Variants in MCCC1 observed in about 807,000 individuals in gnomAD.
MCCC1 encodes the protein methylcrotonoyl-CoA carboxylase subunit alpha, mitochondrial.
MCCC1 carries 64 observed loss-of-function variants against 83.8 expected under a neutral mutation model. That is an observed-to-expected ratio of 0.76 (90% CI 0.62 to 0.94). The LOEUF is 0.94. Ranked by LOEUF, MCCC1 falls within the 40% of genes least tolerant of loss-of-function variation. MCCC1 has a pLI of 0.00. For synonymous variants in MCCC1, 322 were observed against 315.4 expected (o/e 1.02, Z -0.22); for missense variants, 807 against 904.7 (o/e 0.89, Z 1.39).
intron 2 of MCCC1, among the ~76,000 whole-genome samples, chr3:183,093,504 T>C (rs1373249406): frequency 3.3e-5 from 5 of 152,198 alleles, no homozygotes; most frequent in Non-Finnish European, 7.3e-5. Context: ...GTGACTCTTG[T>C]ACCAGTCTAC....
chr3:183,092,174 A>G (rs1236419538), intron 3 of MCCC1, among the ~76,000 whole-genome samples: 1 of 152,242 alleles, frequency 6.6e-6, no homozygotes, highest in East Asian at 1.9e-4. Context: ...GTTTTAACCA[A>G]TCCTCAAGGA....
chr3:183,058,364 C>T (rs1715580593), intron 7 of MCCC1, among the ~76,000 whole-genome samples: 1 of 152,118 alleles, frequency 6.6e-6, no homozygotes, highest in Non-Finnish European at 1.5e-5. Context: ...CTTATAAATC[C>T]CAGCACTTTG....
At chr3:183,099,262 C>G in intron 1 of MCCC1, 90 bp downstream of exon 1, 1 of 1,464,380 alleles carries the variant, frequency 6.8e-7, no homozygotes. Context: ...CACACCGACC[C>G]TGGGTTCCGC....
chr3:183,092,113 G>C lies in MCCC1; in HGVS notation c.273+296C>G, dbSNP rs555158163. Among the ~76,000 whole-genome samples the C allele has an allele frequency of 1.3e-4, 20 of 152,226 alleles. No individual in the cohort carries two copies. The East Asian group carries it at 3.9e-3, about 29-fold the overall frequency. On this transcript the variant is annotated intron_variant, in intron 3 of 18. Coordinates refer to ENST00000265594, the MANE Select transcript of MCCC1 (RefSeq NM_020166.5). ...TTTCTCCTTGTATATACGGAATCTG[G>C]ACATGAGCTACTCAAAGTGTAGTCA...
chr3:183,075,714 T>C (rs1717021850), intron 4 of MCCC1, among the ~76,000 whole-genome samples: 1 of 152,102 alleles, frequency 6.6e-6, no homozygotes, highest in South Asian at 2.1e-4. Context: ...CTAATCTTTT[T>C]GTATTTTTAG....
chr3:183,038,167 C>G (rs1054639049), intron 12 of MCCC1, among the ~76,000 whole-genome samples: 3 of 152,066 alleles, frequency 2.0e-5, no homozygotes, highest in Non-Finnish European at 4.4e-5. Context: ...TCTAGGGCAA[C>G]AAGTAACAAT....
intron 17 of MCCC1, among the ~76,000 whole-genome samples, chr3:183,019,089 G>A (rs578008269): frequency 8.7e-4 from 132 of 152,258 alleles, no homozygotes; most frequent in Middle Eastern, 6.8e-3. Flanking sequence ...ATACCCACTT[G>A]GGGTAAATAT....
rs57389038 is a variant in MCCC1, at chr3:183,040,098, GAAAAAAAAAAAAAA to G, written c.1268-977_1268-964del. Among the ~76,000 whole-genome samples the G allele has an allele frequency of 2.9e-4, 10 of 34,594 alleles. No individual in the cohort carries two copies. The South Asian group carries it at 0.011, about 38-fold the overall frequency. 22.7% of individuals were successfully genotyped at this position (34,594 alleles called of 152,430 possible). On this transcript the variant is annotated intron_variant, in intron 11 of 18. Transcript: ENST00000265594. The stretch of plus-strand genomic sequence containing the variant: ...GCAACAAGAGTGAAACTCCATCTCA[GAAAAAAAAAAAAAA>G]AAAAAAAAAAAAAAAGGAAGGAACC...
upstream of MCCC1, among the ~76,000 whole-genome samples, chr3:183,102,621 T>G (rs1390184984): frequency 6.6e-6 from 1 of 151,782 alleles, no homozygotes; most frequent in Non-Finnish European, 1.5e-5. Context: ...TGATTAGCCC[T>G]CTGGAAAAAA....
At position 183,114,485 on chromosome 3, in the gene MCCC1, T is replaced by A. The variant is rs544765311; in HGVS notation, c.-102+989A>T. On this transcript the variant is annotated intron_variant, in intron 1 of 17. Transcript: ENST00000492597. ...ATGCTGTCTCCAGGCAGTGTCAGAA[T>A]TGAATTGAAGGAAGCCATCTGGTGT... Among the ~76,000 whole-genome samples, 61 of 152,290 alleles carry A rather than the reference T, an allele frequency of 4.0e-4. No homozygotes were observed. In the South Asian group the frequency reaches 4.6e-3, roughly 11 times the overall value.
At chr3:183,110,265 G>A (rs996652794) in intron 1 of MCCC1, among the ~76,000 whole-genome samples, 5 of 152,094 alleles carry the variant, frequency 3.3e-5, no homozygotes, top group Non-Finnish European at 7.3e-5. Context: ...CCTACCTGTC[G>A]ATGTTTGGTT....
At chr3:183,026,465 A>G (rs1202633878) in intron 14 of MCCC1, among the ~76,000 whole-genome samples, 1 of 152,038 alleles carries the variant, frequency 6.6e-6, no homozygotes, top group African/African-American at 2.4e-5. Context: ...TAATCCCAGC[A>G]CTTTGGGAGG....
intron 1 of MCCC1, among the ~76,000 whole-genome samples, chr3:183,111,534 A>C (rs961060371): frequency 6.6e-5 from 10 of 152,168 alleles, no homozygotes; most frequent in African/African-American, 1.2e-4. Flanking sequence ...TCCTGACCTC[A>C]GGTGATCTGC....
chr3:183,097,752 G>A (rs73178986), intron 1 of MCCC1, among the ~76,000 whole-genome samples: 10,349 of 152,204 alleles, frequency 0.068, 472 homozygotes, highest in Non-Finnish European at 0.11. Context: ...ACTCTCCAGA[G>A]TGACATACTT....
intron 9 of MCCC1, 74 bp downstream of exon 9, chr3:183,052,083 TTG>T (rs1715021228): frequency 3.7e-6 from 5 of 1,367,914 alleles, no homozygotes; most frequent in South Asian, 2.3e-5. Flanking sequence ...GATTTAAAAG[TTG>T]TGTTTCTCTT....
intron 4 of MCCC1, among the ~76,000 whole-genome samples, chr3:183,075,133 G>C (rs1052544214): frequency 6.6e-6 from 1 of 152,156 alleles, no homozygotes; most frequent in Non-Finnish European, 1.5e-5. Flanking sequence ...GGGCATTTAG[G>C]CTGATTCAAT....
chr3:183,029,813 C>A (rs1246704438), intron 14 of MCCC1, among the ~76,000 whole-genome samples: 2 of 152,180 alleles, frequency 1.3e-5, no homozygotes, highest in Non-Finnish European at 2.9e-5. Flanking sequence ...CTGCCTCAGG[C>A]CCCACTGCCT....
upstream of MCCC1, among the ~76,000 whole-genome samples, chr3:183,102,566 T>C (rs1013968295): frequency 2.6e-5 from 4 of 152,004 alleles, no homozygotes; most frequent in African/African-American, 9.7e-5. Flanking sequence ...CTGACCTTCA[T>C]TCTAGATTTT....
rs946900297 is a variant in MCCC1 at position 183,097,903 on chromosome 3, C to CT, written c.89+1448dup. 2.9e-4 allele frequency among the ~76,000 whole-genome samples: 43 copies of CT among 149,758 alleles called. 1 individual carries two copies. The highest frequency in any genetic ancestry group is 2.2e-3 in the East Asian group (11 of 5,100). ...AGAACATTAACATTACTTACACCAACTTTTTTTTTTATTTTTTTATTTTTT... is the reference window on the plus strand; with the variant it reads ...AGAACATTAACATTACTTACACCAACTTTTTTTTTTTATTTTTTTATTTTTT... On this transcript the variant is annotated intron_variant, in intron 1 of 18. Coordinates refer to ENST00000265594, the MANE Select transcript of MCCC1 (RefSeq NM_020166.5).
Sources: allele counts gnomAD v4.1 joint callset (sites outside exome capture counted in the v4.1 genomes callset), GRCh38; gene constraint gnomAD v4.1.1; transcripts MANE v1.5; gene names NCBI Gene and HGNC (gene_info 2026-07-23, HGNC 2026-07-21).